The following TAFA5 variants were observed in gnomAD, a reference collection of about 807,000 sequenced individuals.
TAFA5 encodes the protein chemokine-like protein TAFA-5.
In TAFA5, 6 loss-of-function variants were observed where a neutral mutation model predicts 15.3. The observed-to-expected ratio is 0.39, with a 90% CI of 0.21 to 0.77. The LOEUF is 0.77. Among genes scored for constraint, TAFA5 ranks in the 30% least tolerant of loss-of-function variants. The pLI is 0.41. For synonymous variants in TAFA5, 103 were observed against 80.7 expected, an observed-to-expected ratio of 1.28 and a Z score of -1.48; for missense variants, 161 against 193.1, an observed-to-expected ratio of 0.83 and a Z score of 0.98.
chr22:48,662,095 G>A (rs1927462655), intron 2 of TAFA5, among the ~76,000 whole-genome samples: 1 of 152,198 alleles, frequency 6.6e-6, no homozygotes, highest in African/African-American at 2.4e-5. Flanking sequence ...AATCCAGAAG[G>A]CTCTGGCCTT....
At chr22:48,525,794 C>T (rs1287944345) in intron 1 of TAFA5, among the ~76,000 whole-genome samples, 2 of 152,174 alleles carry the variant, frequency 1.3e-5, no homozygotes, top group African/African-American at 4.8e-5. Context: ...GTGGTGTGCA[C>T]GGCTCATTCT....
At chr22:48,667,441 TCAATATATCA>T (rs374449424) in intron 2 of TAFA5, among the ~76,000 whole-genome samples, 2,055 of 152,314 alleles carry the variant, frequency 0.013, 46 homozygotes, top group East Asian at 0.066. Context: ...AACTGTGATA[TCAATATATCA>T]ATATTTGCAG....
chr22:48,576,549 C>G, intron 1 of TAFA5: 1 of 1,514,114 alleles, frequency 6.6e-7, no homozygotes, highest in Non-Finnish European at 8.9e-7. Context: ...TCCTAGTGAT[C>G]CACGCGCAGT....
intron 1 of TAFA5, among the ~76,000 whole-genome samples, chr22:48,575,280 G>A (rs1923726079): frequency 6.6e-6 from 1 of 151,938 alleles, no homozygotes; most frequent in South Asian, 2.1e-4. Flanking sequence ...CGGCTGGGCC[G>A]GCCCCACCTG....
chr22:48,747,075 CA>C (rs1345822603), intron 3 of TAFA5, among the ~76,000 whole-genome samples: 1 of 152,192 alleles, frequency 6.6e-6, no homozygotes, highest in Non-Finnish European at 1.5e-5. Flanking sequence ...CACCATGAGC[CA>C]ACAGGACTGG....
At chr22:48,664,849 C>T (rs1005032729) in intron 2 of TAFA5, among the ~76,000 whole-genome samples, 10 of 152,162 alleles carry the variant, frequency 6.6e-5, no homozygotes, top group Non-Finnish European at 7.3e-5. Flanking sequence ...GGACGGTAGA[C>T]GTACAGGCTC....
At chr22:48,575,149 G>C (rs1398268291) in intron 1 of TAFA5, among the ~76,000 whole-genome samples, 2 of 152,138 alleles carry the variant, frequency 1.3e-5, no homozygotes, top group African/African-American at 4.8e-5. Context: ...TCTCTCCTGG[G>C]GCCTTGGGTG....
At chr22:48,571,324 G>C (rs1923575087) in intron 1 of TAFA5, among the ~76,000 whole-genome samples, 1 of 144,902 alleles carries the variant, frequency 6.9e-6, no homozygotes, top group Non-Finnish European at 1.5e-5. Context: ...TGCCAGGCTG[G>C]AGTGCAGTAG....
chr22:48,569,919 CA>C (rs528153612), intron 1 of TAFA5, among the ~76,000 whole-genome samples: 173 of 152,370 alleles, frequency 1.1e-3, no homozygotes, highest in African/African-American at 3.9e-3. Context: ...CCTCATGGGC[CA>C]TGCTGGATTT....
At chr22:48,618,606 C>T (rs1925698777) in intron 1 of TAFA5, among the ~76,000 whole-genome samples, 1 of 152,032 alleles carries the variant, frequency 6.6e-6, no homozygotes, top group Non-Finnish European at 1.5e-5. Flanking sequence ...TGGGCCCTTG[C>T]TATCTGTAAT....
chr22:48,740,025 T>C (rs1422947515), intron 3 of TAFA5, among the ~76,000 whole-genome samples: 1 of 152,088 alleles, frequency 6.6e-6, no homozygotes, highest in Non-Finnish European at 1.5e-5. Flanking sequence ...GCTGATTCCT[T>C]AGAACCCACC....
At chr22:48,674,319 C>T (rs1927899146) in intron 2 of TAFA5, among the ~76,000 whole-genome samples, 1 of 150,536 alleles carries the variant, frequency 6.6e-6, no homozygotes, top group South Asian at 2.2e-4. Flanking sequence ...CGGGGCTCCC[C>T]AGGGCAGGGC....
intron 3 of TAFA5, among the ~76,000 whole-genome samples, chr22:48,745,145 C>A (rs1463750557): frequency 6.6e-6 from 1 of 152,256 alleles, no homozygotes; most frequent in African/African-American, 2.4e-5. Context: ...CTACCCAGTC[C>A]TGGCTCTTTG....
chr22:48,731,989 G>A (rs1357611108), intron 3 of TAFA5, among the ~76,000 whole-genome samples: 2 of 152,216 alleles, frequency 1.3e-5, no homozygotes, highest in African/African-American at 4.8e-5. Context: ...ACGTCATTAA[G>A]AGCATTTGTG....
Position 48,489,962 on chromosome 22 carries a change from G to A in TAFA5, c.112+258G>A, listed in dbSNP as rs905192061. 2.0e-5 allele frequency among the ~76,000 whole-genome samples: 3 copies of A among 151,752 alleles called. No homozygotes were observed. The highest frequency in any genetic ancestry group is 6.6e-5 in the Admixed American group (1 of 15,248). ...TTCCCTGACTCCCCGGCAGGGCCCG[G>A]GCTCCAGGCCCCGGGTGGCGCGGCC... On this transcript the variant is annotated intron_variant, in intron 1 of 3. Transcript: ENST00000402357. The surrounding 1 kb of genome is among the most constrained non-coding windows in gnomAD (Gnocchi z 5.5).
intron 1 of TAFA5, among the ~76,000 whole-genome samples, chr22:48,610,389 C>T (rs1236753781): frequency 3.9e-5 from 6 of 152,256 alleles, no homozygotes; most frequent in Non-Finnish European, 7.3e-5. Flanking sequence ...ACGAGGTCCT[C>T]GCCTTGCGCC....
intron 1 of TAFA5, among the ~76,000 whole-genome samples, chr22:48,535,858 A>G (rs1922140195): frequency 6.6e-6 from 1 of 151,816 alleles, no homozygotes; most frequent in South Asian, 2.1e-4. Context: ...ACACGGTCAC[A>G]CCGGCACATG....
At chr22:48,542,815 GGTGT>G (rs112262132) in intron 1 of TAFA5, among the ~76,000 whole-genome samples, 1 of 144,918 alleles carries the variant, frequency 6.9e-6, no homozygotes, top group African/African-American at 2.6e-5. Context: ...TGATGTGTAT[GGTGT>G]GTGTGTGTGG....
chr22:48,524,648 C>T (rs867143658), intron 1 of TAFA5, among the ~76,000 whole-genome samples: 5 of 152,210 alleles, frequency 3.3e-5, no homozygotes, highest in Admixed American at 6.5e-5. Context: ...AGTTCTCACA[C>T]GCAGGATCCG....
Sources: allele counts gnomAD v4.1 joint callset (sites outside exome capture counted in the v4.1 genomes callset), GRCh38; gene constraint gnomAD v4.1.1; non-coding constraint Gnocchi (gnomAD v3.1); transcripts MANE v1.5; gene names NCBI Gene and HGNC (gene_info 2026-07-23, HGNC 2026-07-21).